The following NOL4L variants were observed in gnomAD, a reference collection of about 807,000 sequenced individuals.
NOL4L encodes nucleolar protein 4 like, also known as nucleolar protein 4-like.
A neutral mutation model predicts 64.5 loss-of-function variants in NOL4L; 7 were observed. The observed-to-expected ratio is 0.11, with a 90% CI of 0.06 to 0.20. NOL4L has a LOEUF of 0.20. NOL4L is among the 10% of genes least tolerant of loss of function. The pLI, the probability that NOL4L is intolerant of heterozygous loss-of-function variation, is 1.00. For missense variants in NOL4L, 680 were observed against 967.1 expected, an observed-to-expected ratio of 0.70 and a Z score of 3.94; for synonymous variants, 413 against 401.0, an observed-to-expected ratio of 1.03 and a Z score of -0.36.
rs2012409247 is a variant in NOL4L, at chr20:32,447,597, C to T, written c.2042G>A (p.Ter681=). The T allele has an allele frequency of 6.3e-7, 1 of 1,594,074 alleles. No homozygotes were observed. The highest frequency in any genetic ancestry group is 8.5e-7 in the Non-Finnish European group (1 of 1,175,054). Residue 681 remains the stop codon, a stop_retained_variant, in exon 11 of 11, where the codon TGA becomes TAA. Transcript: ENST00000621426. ...AGTGCGCTCCAGGTGCCGGTGGGGT[C>T]AGTTCTGCTGTAGGATGAGGTTTTC... ...ELENLILQQN[*]
intron 2 of NOL4L, among the ~76,000 whole-genome samples, chr20:32,523,282 C>T (rs1173485152): frequency 6.6e-6 from 1 of 152,192 alleles, no homozygotes; most frequent in Non-Finnish European, 1.5e-5. Context: ...GGAAGCCCTG[C>T]CCCACAAGGC....
chr20:32,574,130 C>T (rs567044029), intron 1 of NOL4L, among the ~76,000 whole-genome samples: 54 of 152,322 alleles, frequency 3.5e-4, no homozygotes, highest in African/African-American at 1.2e-3. Flanking sequence ...CAGAACCACA[C>T]AGCTGTTGCC....
chr20:32,543,683 G>A (rs2018691181), intron 1 of NOL4L, among the ~76,000 whole-genome samples: 1 of 152,072 alleles, frequency 6.6e-6, no homozygotes, highest in Admixed American at 6.5e-5. Flanking sequence ...CCAGCTTCTT[G>A]GGAGGCTGAG....
At position 32,452,410 on chromosome 20, in the gene NOL4L, G is replaced by T. The variant is rs763961209; in HGVS notation, c.1648C>A (p.His550Asn). The T allele has an allele frequency of 1.9e-6, 3 of 1,608,774 alleles. No homozygotes were observed. Among genetic ancestry groups the T allele is most frequent in the African/African-American group, 1.3e-5 (1 of 74,956 alleles). ...GTGATGGCTGCGGAGTCCCGCGAGT[G>T]CTGCTTGTCCAGGGCTATGGGCTCA... Reference protein sequence around the residue: ...QDEPIALDKQHSRDSAAITHS... With the variant: ...QDEPIALDKQNSRDSAAITHS... Residue 550 changes from histidine (H) to asparagine (N), a missense_variant, in exon 10 of 11, where the codon CAC becomes AAC. Physicochemically the swap from His to Asn is moderately conservative, Grantham distance 68 (BLOSUM62 1). Transcript: ENST00000621426.
At chr20:32,478,238 T>G (rs917949375) in intron 4 of NOL4L, among the ~76,000 whole-genome samples, 64 of 133,230 alleles carry the variant, frequency 4.8e-4, no homozygotes, top group Admixed American at 1.2e-3. Flanking sequence ...GATGAGGCTA[T>G]ATTTACACAC....
In NOL4L at chr20:32,452,988, G is replaced by A; in HGVS notation, c.1516C>T (p.His506Tyr). 6.2e-7 allele frequency: 1 copy of A among 1,613,664 alleles called. No individual in the cohort carries two copies. ...TTTTCTGCCATGGCCGAGGTCAGAT[G>A]GGGTGGCGTGGGTCTGGTCTGCAGG... ...GMEMTRPTPP[H>Y]LTSAMAENIL... The change falls in exon 9 of 11, where the codon CAT becomes TAT. Residue 506 changes from histidine (H) to tyrosine (Y), a missense_variant. By Grantham distance (83) the His-to-Tyr change is moderately conservative. Transcript: ENST00000621426.
At position 32,520,811 on chromosome 20, in the gene NOL4L, C is replaced by A; in HGVS notation, c.589G>T (p.Glu197Ter). The change falls in exon 3 of 11, where the codon GAA becomes TAA. Residue 197 changes from glutamate to a stop codon, truncating the protein, a stop_gained and splice_region_variant. Coordinates refer to ENST00000621426, the MANE Select transcript of NOL4L (RefSeq NM_001256798.2). LOFTEE classifies it high-confidence loss of function. ...CCCTCCAGCACGCCACCCCTGCTACCTTTGGGTTCCAGGCCATTGGAGTTA... is the reference window on the plus strand; with the variant it reads ...CCCTCCAGCACGCCACCCCTGCTACATTTGGGTTCCAGGCCATTGGAGTTA... Reference protein sequence around the residue: ...HFNSNGLEPKENEPPSPLVSG... With the variant: ...HFNSNGLEPK 1 of 1,546,034 alleles carries A rather than the reference C, an allele frequency of 6.5e-7. No homozygotes were observed. Among genetic ancestry groups the A allele is most frequent in the Non-Finnish European group, 8.8e-7 (1 of 1,142,784 alleles).
At chr20:32,521,277 C>T (rs567727208) in intron 2 of NOL4L, among the ~76,000 whole-genome samples, 7 of 152,150 alleles carry the variant, frequency 4.6e-5, no homozygotes, top group Admixed American at 4.6e-4. Flanking sequence ...GTAGGGTGAG[C>T]AGTTCCCCTC....
chr20:32,508,253 G>A (rs2017216992), intron 4 of NOL4L, among the ~76,000 whole-genome samples: 1 of 152,168 alleles, frequency 6.6e-6, no homozygotes, highest in African/African-American at 2.4e-5. Context: ...GGAGTCATTC[G>A]CCCACCCTGG....
At chr20:32,455,346 C>T (rs1223690358) in intron 6 of NOL4L, among the ~76,000 whole-genome samples, 2 of 152,260 alleles carry the variant, frequency 1.3e-5, no homozygotes, top group Admixed American at 1.3e-4. Context: ...ATAGCAACAA[C>T]TCAGCACTGA....
chr20:32,461,425 T>TC (rs1157403708), intron 5 of NOL4L, among the ~76,000 whole-genome samples: 6 of 145,508 alleles, frequency 4.1e-5, no homozygotes, highest in Non-Finnish European at 3.0e-5. Flanking sequence ...TCTTTTCTTT[T>TC]TTTTTTTTTT....
At chr20:32,540,510 C>T (rs2018635386) in intron 1 of NOL4L, among the ~76,000 whole-genome samples, 1 of 152,190 alleles carries the variant, frequency 6.6e-6, no homozygotes, top group South Asian at 2.1e-4. Context: ...GGGAATCTTC[C>T]TCCCCGGCCC....
intron 4 of NOL4L, among the ~76,000 whole-genome samples, chr20:32,494,221 C>T (rs1167285290): frequency 7.0e-6 from 1 of 143,318 alleles, no homozygotes; most frequent in Non-Finnish European, 1.5e-5. Context: ...CCACTGCACT[C>T]CAGCCTGGGC....
At chr20:32,555,410 C>T (rs1263590103) in intron 1 of NOL4L, among the ~76,000 whole-genome samples, 1 of 152,062 alleles carries the variant, frequency 6.6e-6, no homozygotes, top group East Asian at 1.9e-4. Flanking sequence ...GGTGATTCTC[C>T]TGCATCAGTC....
At chr20:32,520,785 G>A (rs2017903987) in intron 3 of NOL4L, 26 bp downstream of exon 3, 1 of 1,428,894 alleles carries the variant, frequency 7.0e-7, no homozygotes, top group Non-Finnish European at 9.6e-7. Context: ...CCCCGCCCTA[G>A]CCCTCCAGCA....
chr20:32,491,381 CAA>C (rs1248754477), intron 4 of NOL4L, among the ~76,000 whole-genome samples: 2 of 152,220 alleles, frequency 1.3e-5, no homozygotes, highest in East Asian at 3.8e-4. Flanking sequence ...GGGCTGTCAA[CAA>C]AGACACCTTC....
intron 3 of NOL4L, among the ~76,000 whole-genome samples, chr20:32,516,793 G>A (rs886772409): frequency 9.1e-4 from 139 of 152,358 alleles, no homozygotes; most frequent in African/African-American, 3.1e-3. Flanking sequence ...TGGAAACCAC[G>A]CAGAGGAGTC....
intron 1 of NOL4L, among the ~76,000 whole-genome samples, chr20:32,581,443 C>G (rs984901853): frequency 2.0e-5 from 3 of 152,174 alleles, no homozygotes; most frequent in African/African-American, 7.2e-5. Flanking sequence ...CGAGGCTGGC[C>G]GGGACTAGGA....
intron 4 of NOL4L, among the ~76,000 whole-genome samples, chr20:32,482,992 C>T (rs1363827407): frequency 6.6e-6 from 1 of 151,420 alleles, no homozygotes; most frequent in Admixed American, 6.6e-5. Flanking sequence ...AATCACCGCC[C>T]CCCAGGACCC....
Sources: gnomAD v4.1 joint callset for allele counts (sites outside exome capture counted in the v4.1 genomes callset) on GRCh38, gnomAD v4.1.1 for gene constraint, MANE v1.5 for transcripts, NCBI Gene and HGNC (gene_info 2026-07-23, HGNC 2026-07-21) for gene names.